PATJ: variants seen among roughly 807,000 people sequenced by gnomAD.
PATJ encodes inaD-like protein.
In PATJ, 190 loss-of-function variants were observed where a neutral mutation model predicts 224.9. The ratio of observed to expected loss-of-function variants is 0.84; its 90% CI spans 0.75 to 0.95. The LOEUF is 0.95. PATJ is among the 40% of genes least tolerant of loss of function. The pLI is 0.00. For missense variants in PATJ, 2,121 were observed against 2,270.3 expected (o/e 0.93, Z 1.34); for synonymous variants, 769 against 820.3 (o/e 0.94, Z 1.07).
At chr1:61,871,498 T>TACAC (rs1557793533) in intron 20 of PATJ, among the ~76,000 whole-genome samples, 1 of 131,878 alleles carries the variant, frequency 7.6e-6, no homozygotes, top group Admixed American at 8.1e-5. Context: ...TATATGTATA[T>TACAC]ATACATATAT....
intron 34 of PATJ, among the ~76,000 whole-genome samples, chr1:62,112,580 T>C (rs1224664992): frequency 1.3e-5 from 2 of 152,218 alleles, no homozygotes; most frequent in African/African-American, 4.8e-5. Context: ...GAGGCTGGCC[T>C]GACCTTCCAG....
At chr1:61,830,095 T>C (rs2148771632) in intron 16 of PATJ, among the ~76,000 whole-genome samples, 1 of 152,272 alleles carries the variant, frequency 6.6e-6, no homozygotes, top group South Asian at 2.1e-4. Context: ...AATCCTAATT[T>C]AAAAAATGTT....
intron 39 of PATJ, 87 bp from the exon 40 acceptor site, chr1:62,127,885 T>C (rs1665885681): frequency 7.1e-7 from 1 of 1,401,036 alleles, no homozygotes; most frequent in African/African-American, 1.4e-5. Context: ...CATGGAGGGA[T>C]TTTGTTCCAA....
intron 41 of PATJ, among the ~76,000 whole-genome samples, chr1:62,135,566 T>A (rs1387638387): frequency 7.1e-6 from 1 of 140,440 alleles, no homozygotes; most frequent in Non-Finnish European, 1.5e-5. Context: ...AAGACAGTGA[T>A]AAACTGCAGG....
chr1:61,748,666 T>C (rs1645158442), intron 1 of PATJ, among the ~76,000 whole-genome samples: 1 of 152,166 alleles, frequency 6.6e-6, no homozygotes, highest in African/African-American at 2.4e-5. Flanking sequence ...ACTAACTTAC[T>C]GATTACACAC....
chr1:62,157,451 G>A (rs1046979336), intron 43 of PATJ, among the ~76,000 whole-genome samples: 12 of 148,426 alleles, frequency 8.1e-5, no homozygotes, highest in South Asian at 2.3e-4. Flanking sequence ...CACTTTGGGC[G>A]TATAGAAGTT....
chr1:61,910,564 T>TTTTTTTGG (rs1672482109), intron 25 of PATJ, among the ~76,000 whole-genome samples: 1 of 141,884 alleles, frequency 7.0e-6, no homozygotes. Flanking sequence ...TTTTTTTTTT[T>TTTTTTTGG]GGAGACAGGG....
chr1:61,848,726 A>C (rs1662358182), intron 17 of PATJ, among the ~76,000 whole-genome samples: 1 of 152,036 alleles, frequency 6.6e-6, no homozygotes, highest in African/African-American at 2.4e-5. Context: ...TTTTAAACTT[A>C]ATGGTTTCTT....
At chr1:62,143,438 A>ATTTTT (rs34127211) in intron 41 of PATJ, among the ~76,000 whole-genome samples, 66 of 74,328 alleles carry the variant, frequency 8.9e-4, no homozygotes, top group African/African-American at 3.0e-3. Flanking sequence ...TAAGCTGGGA[A>ATTTTT]TTTTTTTTTT....
rs1372747156 is a variant in PATJ, at chr1:62,106,156, G to GTATATATA, written c.4378-2280_4378-2279insATATATAT. Among the ~76,000 whole-genome samples, 518 of 54,818 alleles carry GTATATATA rather than the reference G, an allele frequency of 9.4e-3. 40 individuals carry two copies. The highest frequency in any genetic ancestry group is 0.03 in the South Asian group (36 of 1,214). The allele number at this position is 54,818 out of a possible 152,430, so 36.0% of individuals were successfully genotyped here. A position where few individuals can be genotyped will look rare whatever the true frequency, so the allele number is the denominator to read the frequency against. On this transcript the variant is annotated intron_variant, in intron 33 of 43. Coordinates refer to ENST00000642238, the MANE Select transcript of PATJ (RefSeq NM_001350145.3). ...TATACATGTGTATATGTGTGTGTGT[G>GTATATATA]TGTATATATATATATATATATATAT...
intron 21 of PATJ, among the ~76,000 whole-genome samples, chr1:61,881,777 T>G (rs922474129): frequency 2.0e-5 from 3 of 152,178 alleles, no homozygotes; most frequent in African/African-American, 7.2e-5. Flanking sequence ...CCCATTTATA[T>G]AATTTGAATA....
chr1:61,763,223 A>G (rs1365995810), intron 3 of PATJ, 44 bp downstream of exon 3: 5 of 1,125,330 alleles, frequency 4.4e-6, no homozygotes, highest in Admixed American at 2.8e-5. Flanking sequence ...TTATATTAAT[A>G]TATTCAAACC....
intron 40 of PATJ, 63 bp from the exon 41 acceptor site, chr1:62,128,778 G>A (rs1665979072): frequency 2.7e-6 from 3 of 1,122,558 alleles, no homozygotes; most frequent in Non-Finnish European, 4.1e-6. Context: ...AGAATTTTAA[G>A]CATTCTTCTC....
At chr1:61,798,251 G>C (rs1292478603) in intron 11 of PATJ, among the ~76,000 whole-genome samples, 1 of 152,080 alleles carries the variant, frequency 6.6e-6, no homozygotes, top group Non-Finnish European at 1.5e-5. Context: ...CTGGAGTGTA[G>C]TGGCATGTTC....
At position 62,162,846 on chromosome 1, in the gene PATJ, T is replaced by A; in HGVS notation, c.*1792T>A. ...CCTGTAATCCCAGCTACTCCGGAGG[T>A]TGAAGCAGGAAAATTGCTTGAACCT... On this transcript the variant is annotated 3_prime_UTR_variant, in exon 44 of 44. Coordinates refer to ENST00000642238, the MANE Select transcript of PATJ (RefSeq NM_001350145.3). 1 of 272,282 alleles carries A rather than the reference T, an allele frequency of 3.7e-6. No homozygotes were observed. The highest frequency in any genetic ancestry group is 7.3e-6 in the Non-Finnish European group (1 of 136,718). The allele number at this position is 272,282 out of a possible 1,614,324, so 16.9% of individuals were successfully genotyped here.
At chr1:61,835,750 A>C (rs1279678026) in intron 17 of PATJ, among the ~76,000 whole-genome samples, 3 of 151,950 alleles carry the variant, frequency 2.0e-5, no homozygotes, top group Non-Finnish European at 2.9e-5. Context: ...ATTTAATGGG[A>C]ATTTGAGGCA....
intron 14 of PATJ, among the ~76,000 whole-genome samples, chr1:61,809,590 T>C (rs554478974): frequency 3.5e-4 from 53 of 152,092 alleles, no homozygotes; most frequent in African/African-American, 1.2e-3. Flanking sequence ...TTTCTCCCTG[T>C]TGGTCACGCT....
chr1:61,946,030 C>T (rs1330320150), intron 27 of PATJ, among the ~76,000 whole-genome samples: 3 of 152,132 alleles, frequency 2.0e-5, no homozygotes, highest in Non-Finnish European at 2.9e-5. Context: ...AGAACAAAGA[C>T]GCAACATACC....
intron 17 of PATJ, among the ~76,000 whole-genome samples, chr1:61,840,020 C>G (rs2148826796): frequency 6.6e-6 from 1 of 151,936 alleles, no homozygotes; most frequent in South Asian, 2.1e-4. Context: ...AAATATTTCT[C>G]CCTATAAAAA....
Sources: gnomAD v4.1 joint callset for allele counts (sites outside exome capture counted in the v4.1 genomes callset) on GRCh38, gnomAD v4.1.1 for gene constraint, MANE v1.5 for transcripts, NCBI Gene and HGNC (gene_info 2026-07-23, HGNC 2026-07-21) for gene names.